PDE4D: variants seen among roughly 807,000 people sequenced by gnomAD.
The protein encoded by PDE4D is 3',5'-cyclic-AMP phosphodiesterase 4D.
PDE4D carries 24 observed loss-of-function variants against 87.4 expected under a neutral mutation model. That is an observed-to-expected ratio of 0.27 (90% confidence interval 0.20 to 0.39). PDE4D has a LOEUF of 0.39. Ranked by LOEUF, PDE4D falls within the 10% of genes least tolerant of loss-of-function variation. The probability of loss-of-function intolerance (pLI) is 1.00; values close to 1 mark genes in which losing one functional copy is unlikely to be tolerated. For synonymous variants in PDE4D, 384 were observed against 383.2 expected, an observed-to-expected ratio of 1.00 and a Z score of -0.02; for missense variants, 714 against 1,041.0, an observed-to-expected ratio of 0.69 and a Z score of 4.32.
intron 3 of PDE4D, among the ~76,000 whole-genome samples, chr5:59,931,728 G>A (rs1399247916): frequency 7.5e-6 from 1 of 132,752 alleles, no homozygotes; most frequent in Non-Finnish European, 1.5e-5. Flanking sequence ...TTGAGACGGA[G>A]TCTCACTCTG....
At chr5:59,920,530 C>T (rs970977433) in intron 3 of PDE4D, among the ~76,000 whole-genome samples, 1 of 152,110 alleles carries the variant, frequency 6.6e-6, no homozygotes, top group Non-Finnish European at 1.5e-5. Flanking sequence ...TGGCTTTGAA[C>T]TAGCAGTATG....
At chr5:59,916,954 ATTTTTTTTTTT>A (rs750105496) in intron 3 of PDE4D, among the ~76,000 whole-genome samples, 13 of 73,642 alleles carry the variant, frequency 1.8e-4, no homozygotes, top group African/African-American at 1.0e-3. Context: ...TGCCCGGCTA[ATTTTTTTTTTT>A]TTTTTTTTTT....
At chr5:60,092,604 T>C (rs531274057) in intron 2 of PDE4D, among the ~76,000 whole-genome samples, 1 of 151,500 alleles carries the variant, frequency 6.6e-6, no homozygotes, top group Non-Finnish European at 1.5e-5. Flanking sequence ...TGGAGGGTAC[T>C]AGGAATAAAG....
intron 1 of PDE4D, among the ~76,000 whole-genome samples, chr5:59,338,508 G>C (rs1159511922): frequency 1.3e-5 from 2 of 152,150 alleles, no homozygotes; most frequent in Non-Finnish European, 2.9e-5. Flanking sequence ...AAAGCAGCAG[G>C]TTGTCTAAAG....
At chr5:60,235,387 A>T (rs927302381) in intron 1 of PDE4D, among the ~76,000 whole-genome samples, 1 of 151,944 alleles carries the variant, frequency 6.6e-6, no homozygotes, top group African/African-American at 2.4e-5. Context: ...AATGATTATT[A>T]CAGGTATAAT....
chr5:58,988,796 C>A (rs1747168167), intron 10 of PDE4D, among the ~76,000 whole-genome samples: 1 of 152,042 alleles, frequency 6.6e-6, no homozygotes, highest in Non-Finnish European at 1.5e-5. Flanking sequence ...AATTTTATTA[C>A]ATCTCATGAT....
At chr5:60,479,983 A>T (rs1748604098) in intron 1 of PDE4D, among the ~76,000 whole-genome samples, 1 of 152,222 alleles carries the variant, frequency 6.6e-6, no homozygotes, top group African/African-American at 2.4e-5. Context: ...AAGCAAGGGT[A>T]CTAGTATAGG....
Position 59,358,251 on chromosome 5 carries a change from G to A in PDE4D, c.456-142283C>T, listed in dbSNP as rs114773135. Among the ~76,000 whole-genome samples the A allele has an allele frequency of 3.3e-3, 507 of 152,266 alleles. 4 individuals are homozygous for A. Among genetic ancestry groups the A allele is most frequent in the African/African-American group, 0.012 (485 of 41,536 alleles). ...GTTTCACCTCTTTCTTATCAGACAT[G>A]AGCTCAAAGAAAGTGGGTGAGTGAG... On this transcript the variant is annotated intron_variant, in intron 1 of 14. Transcript: ENST00000340635.
chr5:60,226,038 A>G (rs1745054817), intron 1 of PDE4D, among the ~76,000 whole-genome samples: 1 of 152,172 alleles, frequency 6.6e-6, no homozygotes. Flanking sequence ...TAGAACAAAA[A>G]GCATAATAGC....
chr5:59,339,650 GC>G (rs1317973256), intron 1 of PDE4D, among the ~76,000 whole-genome samples: 1 of 152,226 alleles, frequency 6.6e-6, no homozygotes, highest in East Asian at 1.9e-4. Context: ...TGTTCCATGG[GC>G]ACACGTTCGG....
At chr5:60,011,116 G>A (rs1764983287) in intron 2 of PDE4D, among the ~76,000 whole-genome samples, 1 of 152,144 alleles carries the variant, frequency 6.6e-6, no homozygotes, top group African/African-American at 2.4e-5. Context: ...AAACAGGTCT[G>A]CAAACACAAA....
At chr5:60,025,491 A>T (rs1260682597) in intron 2 of PDE4D, among the ~76,000 whole-genome samples, 1 of 152,170 alleles carries the variant, frequency 6.6e-6, no homozygotes, top group African/African-American at 2.4e-5. Flanking sequence ...TTACCAAGAG[A>T]CCACTCAAAA....
chr5:59,530,309 A>G lies in PDE4D; in HGVS notation c.456-314341T>C, dbSNP rs1256170412. On this transcript the variant is annotated intron_variant, in intron 1 of 14. Transcript: ENST00000340635. Reference sequence around the variant, plus strand: ...AATCAGACAGTTTTTTCCCCCAGGTACTTAAGAGGATACAAACCCATGAAA... The same window carrying G: ...AATCAGACAGTTTTTTCCCCCAGGTGCTTAAGAGGATACAAACCCATGAAA... 2.0e-5 allele frequency among the ~76,000 whole-genome samples: 3 copies of G among 152,266 alleles called. No homozygotes were observed. In the East Asian group the frequency reaches 5.8e-4, roughly 29 times the overall value.
intron 1 of PDE4D, among the ~76,000 whole-genome samples, chr5:59,412,769 C>T (rs1792917193): frequency 6.6e-6 from 1 of 152,188 alleles, no homozygotes; most frequent in South Asian, 2.1e-4. Context: ...TCTGGTCCTT[C>T]ACCAAAATAT....
chr5:59,201,238 T>C (rs1747296345), intron 2 of PDE4D, among the ~76,000 whole-genome samples: 1 of 152,136 alleles, frequency 6.6e-6, no homozygotes, highest in African/African-American at 2.4e-5. Context: ...AAGGTAAATA[T>C]TAAAATGCTA....
intron 1 of PDE4D, among the ~76,000 whole-genome samples, chr5:60,454,606 A>T (rs184631601): frequency 1.3e-5 from 2 of 152,260 alleles, no homozygotes; most frequent in East Asian, 3.9e-4. Context: ...CAATGAGAAC[A>T]CATGACACAG....
At chr5:60,445,736 C>T (rs985027352) in intron 1 of PDE4D, among the ~76,000 whole-genome samples, 4 of 152,010 alleles carry the variant, frequency 2.6e-5, no homozygotes, top group Admixed American at 1.3e-4. Context: ...ACATTATGCC[C>T]ATAGTTAATA....
chr5:59,965,034 C>T (rs1161322565), intron 3 of PDE4D, among the ~76,000 whole-genome samples: 2 of 152,294 alleles, frequency 1.3e-5, no homozygotes, highest in East Asian at 1.9e-4. Flanking sequence ...TCAACCACCA[C>T]GACTACCCAA....
chr5:59,931,711 T>TC (rs1321254402), intron 3 of PDE4D, among the ~76,000 whole-genome samples: 19 of 147,748 alleles, frequency 1.3e-4, no homozygotes, highest in Non-Finnish European at 2.4e-4. Flanking sequence ...TTTTTTTTTT[T>TC]TCTTTTTTGA....
Sources: allele counts gnomAD v4.1 joint callset (sites outside exome capture counted in the v4.1 genomes callset), GRCh38; gene constraint gnomAD v4.1.1; transcripts MANE v1.5; gene names NCBI Gene and HGNC (gene_info 2026-07-23, HGNC 2026-07-21).